The following AGMO variants were observed in gnomAD, a reference collection of about 807,000 sequenced individuals.
The protein encoded by AGMO is glyceryl-ether monooxygenase.
AGMO carries 75 observed loss-of-function variants against 60.2 expected under a neutral mutation model. The observed-to-expected ratio is 1.25, with a 90% CI of 1.03 to 1.51. The LOEUF (loss-of-function observed/expected upper bound fraction) is 1.51, where lower values mean the gene tolerates loss of function less well. AGMO is among the 40% of genes most tolerant of loss of function. The probability of loss-of-function intolerance (pLI) is 0.00; values close to 1 mark genes in which losing one functional copy is unlikely to be tolerated. For synonymous variants in AGMO, 261 were observed against 177.1 expected (o/e 1.47, Z -3.76); for missense variants, 763 against 525.5 (o/e 1.45, Z -4.42).
chr7:15,248,223 T>TATATATATA lies in AGMO; in HGVS notation c.1264-46865_1264-46864insTATATATAT, dbSNP rs71004372. On this transcript the variant is annotated intron_variant, in intron 12 of 12. Coordinates refer to ENST00000342526, the MANE Select transcript of AGMO (RefSeq NM_001004320.2). ...ATATATATATATATATATATATATA[T>TATATATATA]ATCTTCATCTTCAATTCTAGTCTAA... Among the ~76,000 whole-genome samples, 231 of 111,968 alleles carry TATATATATA rather than the reference T, an allele frequency of 2.1e-3. 10 individuals are homozygous for TATATATATA. The highest frequency in any genetic ancestry group is 3.7e-3 in the Non-Finnish European group (197 of 52,890). 73.5% of individuals were successfully genotyped at this position (111,968 alleles called of 152,430 possible). A position where few individuals can be genotyped will look rare whatever the true frequency, so the allele number is the denominator to read the frequency against.
At chr7:15,184,987 C>A in the AGMO span, among the ~76,000 whole-genome samples, 253 of 152,120 alleles carry the variant, frequency 1.7e-3, 5 homozygotes, top group East Asian at 0.046. Context: ...GTGAAAGCTA[C>A]AATTGAATTG....
intron 12 of AGMO, among the ~76,000 whole-genome samples, chr7:15,327,000 G>T (rs1262923819): frequency 6.6e-6 from 1 of 152,096 alleles, no homozygotes; most frequent in Non-Finnish European, 1.5e-5. Flanking sequence ...AATGTAAATT[G>T]TTCTGTTTTT....
At chr7:15,328,728 C>T (rs1031086615) in intron 12 of AGMO, among the ~76,000 whole-genome samples, 32 of 152,172 alleles carry the variant, frequency 2.1e-4, no homozygotes, top group African/African-American at 7.5e-4. Context: ...GGTCAAATTA[C>T]ATTACTCCTC....
intron 5 of AGMO, among the ~76,000 whole-genome samples, chr7:15,395,305 G>C (rs1287390181): frequency 4.6e-5 from 7 of 152,144 alleles, no homozygotes; most frequent in Admixed American, 3.9e-4. Flanking sequence ...AATTTGATAA[G>C]TCAGTGTCAC....
intron 3 of AGMO, among the ~76,000 whole-genome samples, chr7:15,529,666 T>TCTATATACAGAATATATA (rs1784242575): frequency 8.1e-5 from 1 of 12,356 alleles, no homozygotes; most frequent in African/African-American, 2.1e-4. Flanking sequence ...CTATATATAT[T>TCTATATACAGAATATATA]CTATATATAT....
chr7:15,352,765 T>TA (rs917498070), intron 12 of AGMO, among the ~76,000 whole-genome samples: 2 of 151,778 alleles, frequency 1.3e-5, no homozygotes, highest in African/African-American at 4.8e-5. Context: ...GGATTCTCCT[T>TA]AGAGCCATTA....
chr7:15,346,890 A>G (rs114891941), intron 12 of AGMO, among the ~76,000 whole-genome samples: 7,700 of 150,766 alleles, frequency 0.051, 284 homozygotes, highest in African/African-American at 0.1. Context: ...TTTATATTTT[A>G]TGTATATTTA....
At chr7:15,305,189 C>A (rs1780575844) in intron 12 of AGMO, among the ~76,000 whole-genome samples, 2 of 150,756 alleles carry the variant, frequency 1.3e-5, no homozygotes, top group African/African-American at 2.4e-5. Context: ...CTATTCTCCA[C>A]CAGAGGGCAG....
chr7:15,184,296 AGGCAGGC>A, the AGMO span, among the ~76,000 whole-genome samples: 1 of 51,316 alleles, frequency 1.9e-5, no homozygotes, highest in Non-Finnish European at 5.3e-5. Context: ...GAAGGAAGGG[AGGCAGGC>A]AGGGAGGGAG....
At chr7:15,455,591 T>C (rs1218586281) in intron 3 of AGMO, among the ~76,000 whole-genome samples, 1 of 152,124 alleles carries the variant, frequency 6.6e-6, no homozygotes, top group South Asian at 2.1e-4. Context: ...TTTCCTCTAG[T>C]CCACAGAAGG....
At chr7:15,346,608 C>A (rs1583435269) in intron 12 of AGMO, among the ~76,000 whole-genome samples, 1 of 119,238 alleles carries the variant, frequency 8.4e-6, no homozygotes, top group African/African-American at 3.8e-5. Flanking sequence ...TATCATAAAT[C>A]TTAAAAAGTA....
Position 15,231,870 on chromosome 7 carries a change from G to T in AGMO, c.1264-30511C>A, listed in dbSNP as rs1782270173. Among the ~76,000 whole-genome samples the T allele has an allele frequency of 2.0e-5, 3 of 152,096 alleles. No homozygotes were observed. The East Asian group carries it at 5.8e-4, about 29-fold the overall frequency. On this transcript the variant is annotated intron_variant, in intron 12 of 12. Transcript: ENST00000342526. The stretch of plus-strand genomic sequence containing the variant: ...CTCAGGTATAACAGGAGTGGTCAAA[G>T]TAACACAAATCTGACAATAAAAAAT...
At chr7:15,367,225 C>G (rs1483440916) in intron 10 of AGMO, among the ~76,000 whole-genome samples, 1 of 150,990 alleles carries the variant, frequency 6.6e-6, no homozygotes, top group South Asian at 2.1e-4. Context: ...GGTTTTTATC[C>G]TAATGTACTG....
At chr7:15,191,566 T>C in the AGMO span, among the ~76,000 whole-genome samples, 2 of 152,230 alleles carry the variant, frequency 1.3e-5, no homozygotes, top group African/African-American at 2.4e-5. Context: ...ATATTTTTTA[T>C]GTATTATAAT....
intron 10 of AGMO, among the ~76,000 whole-genome samples, chr7:15,374,389 A>T (rs1180303843): frequency 6.6e-6 from 1 of 152,162 alleles, no homozygotes; most frequent in Non-Finnish European, 1.5e-5. Flanking sequence ...TATAATTAAC[A>T]TATAGTTCAA....
At chr7:15,189,530 T>C in the AGMO span, among the ~76,000 whole-genome samples, 12 of 151,962 alleles carry the variant, frequency 7.9e-5, no homozygotes, top group Admixed American at 6.6e-4. Context: ...AGCCAGCACA[T>C]TAATAGCTAA....
At chr7:15,345,903 G>A (rs753200433) in intron 12 of AGMO, among the ~76,000 whole-genome samples, 13 of 151,994 alleles carry the variant, frequency 8.6e-5, no homozygotes, top group Admixed American at 2.0e-4. Context: ...GAGTATGTGA[G>A]TAATGGCTGG....
At chr7:15,335,077 G>A (rs1017906260) in intron 12 of AGMO, among the ~76,000 whole-genome samples, 5 of 152,106 alleles carry the variant, frequency 3.3e-5, no homozygotes, top group Non-Finnish European at 5.9e-5. Context: ...TTGGGAAGCC[G>A]TATTCATCTC....
intron 3 of AGMO, among the ~76,000 whole-genome samples, chr7:15,517,517 A>G (rs114665850): frequency 0.012 from 1,774 of 151,522 alleles, 36 homozygotes; most frequent in African/African-American, 0.04. Context: ...CAAGGAGGCC[A>G]AGCAGAAGCA....
Sources: allele counts gnomAD v4.1 joint callset (sites outside exome capture counted in the v4.1 genomes callset), GRCh38; gene constraint gnomAD v4.1.1; transcripts MANE v1.5; gene names NCBI Gene and HGNC (gene_info 2026-07-23, HGNC 2026-07-21).